Variants in CLASP2 observed in about 807,000 individuals in gnomAD.
CLASP2 encodes the protein cytoplasmic linker associated protein 2.
CLASP2 carries 47 observed loss-of-function variants against 194.4 expected under a neutral mutation model. The ratio of observed to expected loss-of-function variants is 0.24; its 90% CI spans 0.19 to 0.31. CLASP2 has a LOEUF of 0.31. CLASP2 is among the 10% of genes least tolerant of loss of function. The pLI, the probability that CLASP2 is intolerant of heterozygous loss-of-function variation, is 1.00. For synonymous variants in CLASP2, 619 were observed against 633.5 expected (o/e 0.98, Z 0.34); for missense variants, 1,445 against 1,823.6 (o/e 0.79, Z 3.78).
chr3:33,541,307 A>G (rs2058320279), intron 32 of CLASP2, among the ~76,000 whole-genome samples: 1 of 152,082 alleles, frequency 6.6e-6, no homozygotes, highest in South Asian at 2.1e-4. Flanking sequence ...AATACACCAC[A>G]GCCAGCCCCA....
intron 34 of CLASP2, among the ~76,000 whole-genome samples, chr3:33,532,456 G>A (rs1037535104): frequency 6.6e-6 from 1 of 152,138 alleles, no homozygotes; most frequent in African/African-American, 2.4e-5. Context: ...TGGTCTTGAT[G>A]GATGTGCAAC....
intron 9 of CLASP2, among the ~76,000 whole-genome samples, chr3:33,629,086 G>T (rs2078584821): frequency 6.6e-6 from 1 of 152,100 alleles, no homozygotes; most frequent in Admixed American, 6.6e-5. Context: ...CTGTTTCAAT[G>T]TAAGAATAAG....
rs1312650882 is a variant in CLASP2 at position 33,498,180 on chromosome 3, T to C, written c.*451A>G. ...ATTTAAATATTTCTAGCATAGGACA[T>C]GATACGAAACAAAACTCAAAGTAGC... On this transcript the variant is annotated 3_prime_UTR_variant, in exon 39 of 39. Coordinates refer to ENST00000682230, the MANE Select transcript of CLASP2 (RefSeq NM_001365631.1). The C allele has an allele frequency of 6.5e-6, 1 of 153,344 alleles. No individual in the cohort carries two copies. Among genetic ancestry groups the C allele is most frequent in the Non-Finnish European group, 1.5e-5 (1 of 68,714 alleles). 9.5% of individuals were successfully genotyped at this position (153,344 alleles called of 1,614,324 possible).
chr3:33,572,144 T>C (rs1009676229), intron 25 of CLASP2, among the ~76,000 whole-genome samples: 1 of 152,218 alleles, frequency 6.6e-6, no homozygotes, highest in Non-Finnish European at 1.5e-5. Context: ...ACATGAATCC[T>C]ATCCTTTTAG....
chr3:33,699,968 T>TA (rs1370042043), intron 1 of CLASP2, among the ~76,000 whole-genome samples: 10 of 145,648 alleles, frequency 6.9e-5, no homozygotes, highest in Admixed American at 6.1e-4. Context: ...AAAGGAGAAA[T>TA]AAAAAGTTTT....
At chr3:33,524,223 CAATAGT>C (rs2053892892) in intron 34 of CLASP2, among the ~76,000 whole-genome samples, 2 of 151,810 alleles carry the variant, frequency 1.3e-5, no homozygotes, top group Admixed American at 6.6e-5. Context: ...CCTGGTATAT[CAATAGT>C]AATAGTAATA....
At chr3:33,525,987 C>T (rs971828927) in intron 34 of CLASP2, among the ~76,000 whole-genome samples, 4 of 152,100 alleles carry the variant, frequency 2.6e-5, no homozygotes, top group African/African-American at 9.6e-5. Flanking sequence ...AGTCTTCCGG[C>T]TTTATAGAGT....
At chr3:33,680,083 G>GA (rs1489515794) in intron 6 of CLASP2, among the ~76,000 whole-genome samples, 2 of 152,180 alleles carry the variant, frequency 1.3e-5, no homozygotes, top group Admixed American at 6.5e-5. Context: ...AAGTTATGGA[G>GA]AAAACCTAAA....
chr3:33,647,115 A>C (rs1351650889), intron 7 of CLASP2, among the ~76,000 whole-genome samples: 7 of 152,216 alleles, frequency 4.6e-5, no homozygotes, highest in Non-Finnish European at 1.0e-4. Context: ...TTATTATAAA[A>C]TGGTACTACT....
At chr3:33,673,763 G>A (rs1228769267) in intron 6 of CLASP2, among the ~76,000 whole-genome samples, 4 of 151,942 alleles carry the variant, frequency 2.6e-5, no homozygotes, top group African/African-American at 7.3e-5. Context: ...CCAAGCAAAC[G>A]GAAAACAAAA....
At chr3:33,547,791 T>A (rs1451883289) in intron 30 of CLASP2, among the ~76,000 whole-genome samples, 1 of 73,850 alleles carries the variant, frequency 1.4e-5, no homozygotes, top group African/African-American at 3.9e-5. Context: ...ATTTTATGTA[T>A]TTTTTTTTTT....
rs575359833 is a variant in CLASP2, at chr3:33,574,501, G to C, written c.2455-1147C>G. 781 of 1,505,454 alleles carry C rather than the reference G, an allele frequency of 5.2e-4. 4 individuals carry two copies. In the African/African-American group the frequency reaches 9.7e-3, roughly 19 times the overall value. The allele number at this position is 1,505,454 out of a possible 1,614,324, so 93.3% of individuals were successfully genotyped here. A position where few individuals can be genotyped will look rare whatever the true frequency, so the allele number is the denominator to read the frequency against. On this transcript the variant is annotated intron_variant, in intron 24 of 38. Coordinates refer to ENST00000682230, the MANE Select transcript of CLASP2 (RefSeq NM_001365631.1). ...AGTCCGTATGTCTCCTAAGAGCTGA[G>C]AGCAGTAAATTTTTAAAGAGAAAAA...
chr3:33,667,425 A>AAAAAAAAAAAAAAAAAAAAAAAC (rs2086393517), intron 6 of CLASP2, among the ~76,000 whole-genome samples: 1 of 151,056 alleles, frequency 6.6e-6, no homozygotes, highest in African/African-American at 2.4e-5. Context: ...AAAAAAAAAA[A>AAAAAAAAAAAAAAAAAAAAAAAC]AAAGACATTT....
chr3:33,632,450 C>A, intron 8 of CLASP2, 79 bp from the exon 9 acceptor site: 1 of 977,498 alleles, frequency 1.0e-6, no homozygotes, highest in Non-Finnish European at 1.5e-6. Flanking sequence ...AAAAATAAAA[C>A]TCTTTTGATA....
At chr3:33,698,651 T>C (rs1032069419) in intron 1 of CLASP2, among the ~76,000 whole-genome samples, 1 of 152,130 alleles carries the variant, frequency 6.6e-6, no homozygotes, top group East Asian at 1.9e-4. Context: ...GAAGCAAATA[T>C]GAACTAAAGC....
At chr3:33,665,374 G>A (rs1472288428) in intron 6 of CLASP2, among the ~76,000 whole-genome samples, 2 of 152,082 alleles carry the variant, frequency 1.3e-5, no homozygotes, top group African/African-American at 4.8e-5. Context: ...ATGGGAGAGA[G>A]GAGGGGAGGG....
chr3:33,557,242 G>T (rs1385603020), intron 29 of CLASP2, among the ~76,000 whole-genome samples: 1 of 152,136 alleles, frequency 6.6e-6, no homozygotes, highest in Non-Finnish European at 1.5e-5. Context: ...CCAAAGTGCT[G>T]GGATTACAGG....
At chr3:33,703,443 G>T (rs868326857) in intron 1 of CLASP2, among the ~76,000 whole-genome samples, 2 of 152,088 alleles carry the variant, frequency 1.3e-5, no homozygotes, top group Non-Finnish European at 2.9e-5. Flanking sequence ...CCAATTCACC[G>T]ACAACACTAA....
intron 19 of CLASP2, among the ~76,000 whole-genome samples, chr3:33,596,243 T>G (rs955988648): frequency 1.3e-5 from 2 of 152,112 alleles, no homozygotes; most frequent in African/African-American, 4.8e-5. Context: ...AAATGTTAGT[T>G]TACAACGCAC....
Sources: allele counts gnomAD v4.1 joint callset (sites outside exome capture counted in the v4.1 genomes callset), GRCh38; gene constraint gnomAD v4.1.1; transcripts MANE v1.5; gene names NCBI Gene and HGNC (gene_info 2026-07-23, HGNC 2026-07-21).